DMXL1: variants seen among roughly 807,000 people sequenced by gnomAD.
DMXL1 encodes the protein Dmx like 1.
Under a neutral mutation model 319.2 loss-of-function variants are expected in DMXL1, and 99 were observed. The observed-to-expected ratio is 0.31, with a 90% CI of 0.26 to 0.37. The LOEUF is 0.37. Ranked by LOEUF, DMXL1 falls within the 10% of genes least tolerant of loss-of-function variation. The pLI is 1.00. For synonymous variants in DMXL1, 1,385 were observed against 1,235.2 expected (o/e 1.12, Z -2.54); for missense variants, 3,745 against 3,595.6 (o/e 1.04, Z -1.06).
At position 119,171,903 on chromosome 5, in the gene DMXL1, A is replaced by G. The variant is rs774398250; in HGVS notation, c.6615A>G (p.Thr2205=). The G allele has an allele frequency of 6.2e-7, 1 of 1,613,888 alleles. No homozygotes were observed. Among genetic ancestry groups the G allele is most frequent in the Non-Finnish European group, 8.5e-7 (1 of 1,179,864 alleles). The change falls in exon 25 of 44, where the codon ACA becomes ACG. Residue 2205 remains threonine (T), a synonymous_variant. Coordinates refer to ENST00000539542, the MANE Select transcript of DMXL1 (RefSeq NM_001290321.3). The part of the protein sequence containing the change: ...ANPLLHLSNL[T]HDILHAIINF... ...CATTATTGCACCTTAGTAATCTGACACATGATATTCTCCATGCCATAATAA... is the reference window on the plus strand; with the variant it reads ...CATTATTGCACCTTAGTAATCTGACGCATGATATTCTCCATGCCATAATAA...
chr5:119,238,691 T>G (rs1788201599), intron 40 of DMXL1, among the ~76,000 whole-genome samples: 1 of 152,184 alleles, frequency 6.6e-6, no homozygotes, highest in Non-Finnish European at 1.5e-5. Flanking sequence ...TCATGATATA[T>G]GCAGCCTACT....
intron 18 of DMXL1, 83 bp from the exon 19 acceptor site, chr5:119,151,846 A>G (rs1326337690): frequency 7.6e-6 from 6 of 784,548 alleles, no homozygotes; most frequent in African/African-American, 7.0e-5. Context: ...TGGTCAGGTT[A>G]AGAATGTTAT....
At chr5:119,135,702 C>G (rs775560660) in intron 13 of DMXL1, among the ~76,000 whole-genome samples, 1 of 152,166 alleles carries the variant, frequency 6.6e-6, no homozygotes, top group Non-Finnish European at 1.5e-5. Flanking sequence ...GCAGTTTCCC[C>G]TGTGCACGTG....
chr5:119,161,397 G>T (rs1772236956), intron 19 of DMXL1, among the ~76,000 whole-genome samples: 1 of 151,050 alleles, frequency 6.6e-6, no homozygotes, highest in South Asian at 2.2e-4. Flanking sequence ...CTGAAGTTGG[G>T]CAGGGTTGCA....
intron 10 of DMXL1, chr5:119,132,899 G>A: frequency 3.4e-6 from 2 of 591,332 alleles, no homozygotes; most frequent in Non-Finnish European, 6.0e-6. Context: ...CTCAAAGTAT[G>A]CTCTGGAGCA....
chr5:119,085,047 A>G (rs892020847), intron 1 of DMXL1, among the ~76,000 whole-genome samples: 2 of 151,216 alleles, frequency 1.3e-5, no homozygotes, highest in Admixed American at 1.3e-4. Flanking sequence ...AATTAATTCC[A>G]GCTGGTCACA....
intron 26 of DMXL1, among the ~76,000 whole-genome samples, chr5:119,175,888 G>A (rs989184650): frequency 1.3e-4 from 20 of 151,946 alleles, no homozygotes; most frequent in Non-Finnish European, 2.9e-4. Flanking sequence ...ACCCTCTGGG[G>A]TCTTTCTATA....
chr5:119,182,563 T>A (rs1164676807), intron 28 of DMXL1, among the ~76,000 whole-genome samples: 2 of 152,164 alleles, frequency 1.3e-5, no homozygotes, highest in Non-Finnish European at 2.9e-5. Context: ...AGATTATATT[T>A]CTTTCTATAT....
rs189051304 is a variant in DMXL1, at chr5:119,087,665, A to G, written c.88-10314A>G. 1.0e-3 allele frequency among the ~76,000 whole-genome samples: 158 copies of G among 152,226 alleles called. 1 individual carries two copies. Among genetic ancestry groups the G allele is most frequent in the Admixed American group, 3.3e-3 (51 of 15,270 alleles). ...TGGGTGTTCTTTAAATGTCAGGCCT[A>G]TTAGATCTAGTGTATCGTTTAACTG... On this transcript the variant is annotated intron_variant, in intron 1 of 43. Coordinates refer to ENST00000539542, the MANE Select transcript of DMXL1 (RefSeq NM_001290321.3).
intron 23 of DMXL1, among the ~76,000 whole-genome samples, chr5:119,168,829 A>G (rs2150249532): frequency 6.6e-6 from 1 of 151,982 alleles, no homozygotes; most frequent in Admixed American, 6.5e-5. Flanking sequence ...CTGGAATTAC[A>G]GGCATGAGCT....
chr5:119,102,731 G>A (rs984432380), intron 3 of DMXL1, among the ~76,000 whole-genome samples: 1 of 152,142 alleles, frequency 6.6e-6, no homozygotes, highest in Non-Finnish European at 1.5e-5. Context: ...AAAATTTGAG[G>A]TTGTGGTGAG....
Position 119,244,394 on chromosome 5 carries a change from G to A in DMXL1, c.8740G>A (p.Ala2914Thr). 6.2e-7 allele frequency: 1 copy of A among 1,613,794 alleles called. No individual in the cohort carries two copies. The highest frequency in any genetic ancestry group is 2.2e-5 in the East Asian group (1 of 44,856). ...TCHDSGATVL[A>T]YAPKHQLLIS... is the part of the protein sequence containing the mutation. ...CCATGACAGTGGAGCCACAGTTTTA[G>A]CATATGCTCCAAAACATCAGCTACT... The change falls in exon 43 of 44, where the codon GCA becomes ACA. Residue 2914 changes from alanine to threonine, a missense_variant. Coordinates refer to ENST00000539542, the MANE Select transcript of DMXL1 (RefSeq NM_001290321.3).
rs1561716881 is a variant in DMXL1 at position 119,147,291 on chromosome 5, CAGA to C, written c.2737_2739del (p.Glu913del). 5.6e-6 allele frequency: 9 copies of C among 1,613,372 alleles called. No individual in the cohort carries two copies. Among genetic ancestry groups the C allele is most frequent in the Non-Finnish European group, 5.9e-6 (7 of 1,179,642 alleles). ...AAATTATCCGAAGCGGTTTGGCAGC[CAGA>C]AGAACATTATTCTTCTTCTCCAGAG... is the stretch of plus-strand genomic sequence containing the variant. On this transcript the variant is annotated inframe_deletion, in exon 17 of 44. Coordinates refer to ENST00000539542, the MANE Select transcript of DMXL1 (RefSeq NM_001290321.3).
Position 119,248,028 on chromosome 5 carries a change from ATTAGAT to A in DMXL1, c.*814_*819del. 6.6e-6 allele frequency: 1 copy of A among 152,282 alleles called. No individual in the cohort carries two copies. Among genetic ancestry groups the A allele is most frequent in the East Asian group, 1.9e-4 (1 of 5,192 alleles). 9.4% of individuals were successfully genotyped at this position (152,282 alleles called of 1,614,324 possible). ...GACTATCAGGATTATTATTTTAAAG[ATTAGAT>A]TTAGTCAAATAAGTCTTAGCAGGCA... On this transcript the variant is annotated 3_prime_UTR_variant, in exon 44 of 44. Coordinates refer to ENST00000539542, the MANE Select transcript of DMXL1 (RefSeq NM_001290321.3).
intron 15 of DMXL1, among the ~76,000 whole-genome samples, chr5:119,145,232 A>G (rs911744941): frequency 4.0e-5 from 6 of 151,778 alleles, no homozygotes; most frequent in Admixed American, 1.3e-4. Flanking sequence ...TGCACAAAGA[A>G]GTTATCAAGA....
At chr5:119,183,754 T>C (rs1777194371) in intron 28 of DMXL1, among the ~76,000 whole-genome samples, 1 of 152,068 alleles carries the variant, frequency 6.6e-6, no homozygotes, top group Admixed American at 6.5e-5. Context: ...CCACCACGCC[T>C]GGCCAGGAGT....
chr5:119,192,094 T>C (rs1778795397), intron 29 of DMXL1, among the ~76,000 whole-genome samples: 2 of 152,194 alleles, frequency 1.3e-5, no homozygotes, highest in South Asian at 4.1e-4. Context: ...TCAAACTTCC[T>C]GCATCTCCCC....
chr5:119,108,988 A>T (rs1184788354), intron 4 of DMXL1, among the ~76,000 whole-genome samples: 1 of 151,264 alleles, frequency 6.6e-6, no homozygotes, highest in East Asian at 2.0e-4. Context: ...TTTAGTAGAG[A>T]TGGGGTTTCT....
chr5:119,239,643 T>G (rs1454155794), intron 41 of DMXL1, among the ~76,000 whole-genome samples: 1 of 152,194 alleles, frequency 6.6e-6, no homozygotes, highest in African/African-American at 2.4e-5. Flanking sequence ...TAAGCTATAA[T>G]AGTAGCTTTA....
Sources: allele counts gnomAD v4.1 joint callset (sites outside exome capture counted in the v4.1 genomes callset), GRCh38; gene constraint gnomAD v4.1.1; transcripts MANE v1.5; gene names NCBI Gene and HGNC (gene_info 2026-07-23, HGNC 2026-07-21).